The following ADGRA1 variants were observed in gnomAD, a reference collection of about 807,000 sequenced individuals.
ADGRA1 encodes adhesion G protein-coupled receptor A1.
Under a neutral mutation model 21.3 loss-of-function variants are expected in ADGRA1, and 12 were observed. The ratio of observed to expected loss-of-function variants is 0.56; its 90% CI spans 0.36 to 0.91. ADGRA1 has a LOEUF of 0.91. Ranked by LOEUF, ADGRA1 falls within the 40% of genes least tolerant of loss-of-function variation. The probability of loss-of-function intolerance (pLI) is 0.01; values close to 1 mark genes in which losing one functional copy is unlikely to be tolerated. For synonymous variants in ADGRA1, 385 were observed against 368.8 expected, an observed-to-expected ratio of 1.04 and a Z score of -0.50; for missense variants, 790 against 805.6, an observed-to-expected ratio of 0.98 and a Z score of 0.23.
intron 2 of ADGRA1, among the ~76,000 whole-genome samples, chr10:133,096,773 G>A (rs897603956): frequency 2.6e-4 from 40 of 152,308 alleles, no homozygotes; most frequent in African/African-American, 9.1e-4. Flanking sequence ...GCCACGTGGG[G>A]CCCCTCCCGT....
At position 133,129,507 on chromosome 10, in the gene ADGRA1, T is replaced by A. The variant is rs1852468589; in HGVS notation, c.1679T>A (p.Val560Glu). Residue 560 changes from valine (V) to glutamate (E), a missense_variant, in exon 7 of 7, where the codon GTG (valine) becomes GAG (glutamate). Physicochemically the swap from Val to Glu is moderately radical, Grantham distance 121 (BLOSUM62 -2). Transcript: ENST00000392607. ...GGACCCTGGAAAAACGAAACTACTG[T>A]GTAGATGGGGGCAGAGGACACGGTG... ...RTGPWKNETT[V>E] is the part of the protein sequence containing the mutation. 3 of 1,590,552 alleles carry A rather than the reference T, an allele frequency of 1.9e-6. No homozygotes were observed. The highest frequency in any genetic ancestry group is 2.6e-6 in the Non-Finnish European group (3 of 1,175,158).
At chr10:133,098,064 G>A (rs1297063258) in intron 3 of ADGRA1, among the ~76,000 whole-genome samples, 7 of 152,180 alleles carry the variant, frequency 4.6e-5, no homozygotes, top group Non-Finnish European at 1.5e-5. Context: ...AGGATGAGGC[G>A]AGGCCATGGC....
chr10:133,129,869 A>C lies in ADGRA1; in HGVS notation c.*358A>C. ...GAGGCAGAGCAGGGGATTCCATCAA[A>C]GGACCCACTGAGACCCCAGCATGGC... On this transcript the variant is annotated 3_prime_UTR_variant, in exon 7 of 7. Transcript: ENST00000392607. 1 of 227,368 alleles carries C rather than the reference A, an allele frequency of 4.4e-6. No individual in the cohort carries two copies. The highest frequency in any genetic ancestry group is 9.4e-5 in the South Asian group (1 of 10,650). 14.1% of individuals were successfully genotyped at this position (227,368 alleles called of 1,614,324 possible).
At position 133,128,974 on chromosome 10, in the gene ADGRA1, G is replaced by A. The variant is rs199510588; in HGVS notation, c.1146G>A (p.Pro382=). Residue 382 remains proline (P), a synonymous_variant, in exon 7 of 7, where the codon CCG becomes CCA. Coordinates refer to ENST00000392607, the MANE Select transcript of ADGRA1 (RefSeq NM_001083909.3). ...GHASCLSPAT[P]CCAKMHCEPL... ...CCAGTTGCCTGTCACCGGCCACCCC[G>A]TGCTGCGCCAAGATGCACTGCGAGC... The A allele has an allele frequency of 3.0e-4, 464 of 1,560,660 alleles. 4 individuals carry two copies. The highest frequency in any genetic ancestry group is 3.5e-5 in the South Asian group (3 of 85,044).
rs1852455300 is a variant in ADGRA1, at chr10:133,129,165, G to A, written c.1337G>A (p.Gly446Asp). The change falls in exon 7 of 7, where the codon GGC becomes GAC. Residue 446 changes from glycine (G) to aspartate (D), a missense_variant. Gly to Asp is a moderately conservative substitution (Grantham distance 94, BLOSUM62 -1). Transcript: ENST00000392607. ...YAYHIPSSLD[G>D]SPRSSRTDSP... Reference sequence around the variant, plus strand: ...TACCACATCCCATCCAGCCTGGATGGCAGCCCCCGCAGCTCGCGCACAGAC... The same window carrying A: ...TACCACATCCCATCCAGCCTGGATGACAGCCCCCGCAGCTCGCGCACAGAC... The A allele has an allele frequency of 6.4e-6, 10 of 1,551,820 alleles. No homozygotes were observed. The highest frequency in any genetic ancestry group is 8.7e-6 in the Non-Finnish European group (10 of 1,147,762).
In ADGRA1 at chr10:133,102,647, T is replaced by TG. The variant is rs780167222; in HGVS notation, c.256-44dup. ...AGCCCGGGCCGAGGCTGCTGGGCTCTGGGGGGTGGGTGCCCGCCAAGGGCC... is the reference window on the plus strand; with the variant it reads ...AGCCCGGGCCGAGGCTGCTGGGCTCTGGGGGGGTGGGTGCCCGCCAAGGGCC... On this transcript the variant is annotated intron_variant, in intron 4 of 6. Coordinates refer to ENST00000392607, the MANE Select transcript of ADGRA1 (RefSeq NM_001083909.3). 7.6e-6 allele frequency: 12 copies of TG among 1,571,660 alleles called. No homozygotes were observed. The African/African-American group carries it at 9.4e-5, about 12-fold the overall frequency.
At chr10:133,100,388 G>T (rs547766421) in intron 4 of ADGRA1, among the ~76,000 whole-genome samples, 1 of 152,254 alleles carries the variant, frequency 6.6e-6, no homozygotes, top group Non-Finnish European at 1.5e-5. Flanking sequence ...CACCAAGTAC[G>T]CCCCACACTG....
chr10:133,129,350 C>T lies in ADGRA1; in HGVS notation c.1522C>T (p.Pro508Ser). ...GCCGGGCAGGGAGGCAGCGCTCGGG[C>T]CCGGCCACTTGGAGATGCTGCGGAG... ...TQPGREAALG[P>S]GHLEMLRRTQ... is the part of the protein sequence containing the mutation. The change falls in exon 7 of 7, where the codon CCC becomes TCC. Residue 508 changes from proline to serine, a missense_variant. By Grantham distance (74) the Pro-to-Ser change is moderately conservative. This residue lies in a region of ADGRA1 where 391 missense variants were observed against 351.5 expected (regional missense o/e 1.11). Coordinates refer to ENST00000392607, the MANE Select transcript of ADGRA1 (RefSeq NM_001083909.3). 1 of 1,586,478 alleles carries T rather than the reference C, an allele frequency of 6.3e-7. No homozygotes were observed. The highest frequency in any genetic ancestry group is 1.1e-5 in the South Asian group (1 of 88,100).
Position 133,102,760 on chromosome 10 carries a change from A to C in ADGRA1, c.319A>C (p.Asn107His). The C allele has an allele frequency of 6.2e-7, 1 of 1,612,784 alleles. No homozygotes were observed. Among genetic ancestry groups the C allele is most frequent in the Non-Finnish European group, 8.5e-7 (1 of 1,179,850 alleles). ...GCTGTGGATAGGAGTGACCGCCAGG[A>C]ACATCTACAAGCAGGTGACCAAGAA... ...TMLWIGVTAR[N>H]IYKQVTKKAP... The change falls in exon 5 of 7, where the codon AAC becomes CAC. Residue 107 changes from asparagine (N) to histidine (H), a missense_variant. Physicochemically the swap from Asn to His is moderately conservative, Grantham distance 68. Coordinates refer to ENST00000392607, the MANE Select transcript of ADGRA1 (RefSeq NM_001083909.3).
Position 133,098,770 on chromosome 10 carries a change from G to C in ADGRA1, c.255+7G>C, listed in dbSNP as rs775113122. 3.1e-6 allele frequency: 5 copies of C among 1,608,468 alleles called. No individual in the cohort carries two copies. The African/African-American group carries it at 5.3e-5, about 17-fold the overall frequency. On this transcript the variant is annotated splice_region_variant and intron_variant, in intron 4 of 6. Transcript: ENST00000392607. ...CCCCATCCTGTGCCAGGCGGTGAGT[G>C]CCGGGGCGCCCTCGTTGGCTCCTCC...
intron 4 of ADGRA1, among the ~76,000 whole-genome samples, chr10:133,099,513 A>G (rs1851754045): frequency 6.6e-6 from 1 of 152,182 alleles, no homozygotes; most frequent in Admixed American, 6.5e-5. Flanking sequence ...AACGACACAC[A>G]GAAGGGCTCC....
chr10:133,113,277 C>T lies in ADGRA1; in HGVS notation c.401+10435C>T, dbSNP rs139258295. Among the ~76,000 whole-genome samples, 4 of 152,290 alleles carry T rather than the reference C, an allele frequency of 2.6e-5. No individual in the cohort carries two copies. The East Asian group carries it at 7.7e-4, about 29-fold the overall frequency. On this transcript the variant is annotated intron_variant, in intron 5 of 6. Transcript: ENST00000392607. ...TGTCAGTTATTTGGGGTCTGTGGGC[C>T]GTGTTTCGGTTTGGAAGTCCAATGG...
intron 2 of ADGRA1, 141 bp downstream of exon 2, chr10:133,089,053 G>A: frequency 8.1e-7 from 1 of 1,232,704 alleles, no homozygotes; most frequent in East Asian, 3.2e-5. Context: ...GTGCCGGGGT[G>A]GGAGGCTCTG....
chr10:133,116,216 G>A (rs1284990292), intron 5 of ADGRA1, among the ~76,000 whole-genome samples: 1 of 152,192 alleles, frequency 6.6e-6, no homozygotes, highest in African/African-American at 2.4e-5. Flanking sequence ...GAAAGACACA[G>A]TAACGAAATG....
At chr10:133,122,698 G>A (rs1001834192) in intron 5 of ADGRA1, among the ~76,000 whole-genome samples, 4 of 152,214 alleles carry the variant, frequency 2.6e-5, no homozygotes, top group African/African-American at 4.8e-5. Context: ...CTGTGGTCAC[G>A]ACCCGCGGGG....
rs1473940785 is a variant in ADGRA1 at position 133,088,043 on chromosome 10, C to A, written c.-298C>A. 1 of 985,158 alleles carries A rather than the reference C, an allele frequency of 1.0e-6. No homozygotes were observed. The highest frequency in any genetic ancestry group is 1.2e-6 in the Non-Finnish European group (1 of 829,838). The allele number at this position is 985,158 out of a possible 1,614,324, so 61.0% of individuals were successfully genotyped here. On this transcript the variant is annotated 5_prime_UTR_variant, in exon 1 of 7. Transcript: ENST00000392607. ...TCGGTCCCAGCTCGGCCGCTGCCCT[C>A]GCGAATGGAGAGCGGGTCCCCGGCG...
At chr10:133,088,642 CG>C in intron 1 of ADGRA1, 65 bp from the exon 2 acceptor site, 1 of 1,058,330 alleles carries the variant, frequency 9.4e-7, no homozygotes, top group African/African-American at 1.6e-5. Flanking sequence ...CTGGCGGGGT[CG>C]GGGCTGCGAG....
chr10:133,088,524 C>T, intron 1 of ADGRA1, 184 bp from the exon 2 acceptor site: 2 of 251,252 alleles, frequency 8.0e-6, no homozygotes, highest in Non-Finnish European at 1.5e-5. Context: ...CTGGCGCGTT[C>T]GGTCCGAGCC....
intron 1 of ADGRA1, chr10:133,088,405 C>T (rs1851539734): frequency 6.5e-6 from 1 of 154,124 alleles, no homozygotes; most frequent in Non-Finnish European, 1.4e-5. Context: ...GTGCAAACCC[C>T]CCGGCGCGCC....
Sources: gnomAD v4.1 joint callset for allele counts (sites outside exome capture counted in the v4.1 genomes callset) on GRCh38, gnomAD v4.1.1 for gene constraint, gnomAD v4.1.1 regional missense constraint, MANE v1.5 for transcripts, NCBI Gene and HGNC (gene_info 2026-07-23, HGNC 2026-07-21) for gene names.